Variants in DUT observed in about 807,000 individuals in gnomAD.
DUT encodes deoxyuridine triphosphatase.
DUT carries 21 observed loss-of-function variants against 28.8 expected under a neutral mutation model. That is an observed-to-expected ratio of 0.73 (90% confidence interval 0.52 to 1.05). The LOEUF (loss-of-function observed/expected upper bound fraction) is 1.05, where lower values mean the gene tolerates loss of function less well. Ranked by LOEUF, DUT falls within the 50% of genes least tolerant of loss-of-function variation. The probability of loss-of-function intolerance (pLI) is 0.00; values close to 1 mark genes in which losing one functional copy is unlikely to be tolerated. For missense variants in DUT, 344 were observed against 351.8 expected (o/e 0.98, Z 0.18); for synonymous variants, 147 against 143.7 (o/e 1.02, Z -0.17).
At chr15:48,339,875 C>T (rs192431195) in intron 4 of DUT, among the ~76,000 whole-genome samples, 4 of 152,228 alleles carry the variant, frequency 2.6e-5, no homozygotes, top group Admixed American at 6.5e-5. Context: ...TGTTGTAATC[C>T]ATTCGGAAAA....
chr15:48,333,604 C>T (rs900962531), intron 2 of DUT, among the ~76,000 whole-genome samples: 6 of 152,172 alleles, frequency 3.9e-5, no homozygotes, highest in Admixed American at 6.5e-5. Context: ...AGTAAACTTC[C>T]GGTTCTGCTC....
upstream of DUT, chr15:48,331,210 A>C: frequency 6.6e-7 from 1 of 1,515,706 alleles, no homozygotes; most frequent in South Asian, 1.2e-5. Flanking sequence ...GTCCAGGAGC[A>C]GGGCCCGGGC....
chr15:48,336,725 C>T (rs2042480129), intron 4 of DUT, among the ~76,000 whole-genome samples: 1 of 152,148 alleles, frequency 6.6e-6, no homozygotes, highest in Non-Finnish European at 1.5e-5. Flanking sequence ...ACATACTGAC[C>T]CTTTATCCCA....
chr15:48,332,986 C>T (rs1442954553), intron 2 of DUT, among the ~76,000 whole-genome samples: 1 of 152,042 alleles, frequency 6.6e-6, no homozygotes, highest in Non-Finnish European at 1.5e-5. Flanking sequence ...ATAAGTGTTA[C>T]TTTTTACACA....
chr15:48,331,360 C>T (rs1227686021), upstream of DUT: 1 of 1,463,170 alleles, frequency 6.8e-7, no homozygotes, highest in Non-Finnish European at 9.0e-7. Context: ...TGCGCCATCC[C>T]TGGGCTGCCG....
chr15:48,337,050 C>T (rs2042483766), intron 4 of DUT, among the ~76,000 whole-genome samples: 1 of 152,188 alleles, frequency 6.6e-6, no homozygotes, highest in Admixed American at 6.5e-5. Flanking sequence ...CTTAATGAAA[C>T]CTGGCTATCC....
chr15:48,342,178 A>G lies in DUT; in HGVS notation c.*100A>G, dbSNP rs2042544869. ...GTTTTGGTGTTTTGCACTTCTGTAA[A>G]CTTACTAGCTTTACCTTCTAAAAGT... On this transcript the variant is annotated 3_prime_UTR_variant, in exon 7 of 7. Transcript: ENST00000331200. 2.8e-6 allele frequency: 2 copies of G among 724,182 alleles called. No individual in the cohort carries two copies. Among genetic ancestry groups the G allele is most frequent in the Middle Eastern group, 4.5e-4 (1 of 2,244 alleles). 44.9% of individuals were successfully genotyped at this position (724,182 alleles called of 1,614,324 possible). A position where few individuals can be genotyped will look rare whatever the true frequency, so the allele number is the denominator to read the frequency against.
Position 48,331,479 on chromosome 15 carries a change from G to T in DUT, c.-37G>T. 6.2e-7 allele frequency: 1 copy of T among 1,608,626 alleles called. No homozygotes were observed. The highest frequency in any genetic ancestry group is 8.5e-7 in the Non-Finnish European group (1 of 1,178,130). On this transcript the variant is annotated 5_prime_UTR_variant, in exon 1 of 7. The change creates a new upstream start codon in the 5' untranslated region. Transcript: ENST00000331200. The stretch of plus-strand genomic sequence containing the variant: ...GGTGGAAGCCTGGCGCACGTCCGGA[G>T]GTGCCGAGGACCCAACCAGCCCAAA...
chr15:48,340,637 TAAAC>T (rs2042523112), intron 4 of DUT, among the ~76,000 whole-genome samples: 2 of 152,150 alleles, frequency 1.3e-5, no homozygotes, highest in African/African-American at 4.8e-5. Flanking sequence ...TTCATAATCT[TAAAC>T]AAGTATTAAT....
chr15:48,339,521 T>C (rs2042510090), intron 4 of DUT, among the ~76,000 whole-genome samples: 2 of 152,168 alleles, frequency 1.3e-5, no homozygotes, highest in African/African-American at 4.8e-5. Context: ...AAATCTAATT[T>C]AAATTGTCCC....
At chr15:48,331,999 CG>C in intron 1 of DUT, 1 of 914,356 alleles carries the variant, frequency 1.1e-6, no homozygotes, top group Non-Finnish European at 1.5e-6. Flanking sequence ...GTTGGCCCCA[CG>C]CGCTGAATGT....
chr15:48,342,394 T>TAA lies in DUT; in HGVS notation c.*325_*326dup. 2 of 161,388 alleles carry TAA rather than the reference T, an allele frequency of 1.2e-5. No homozygotes were observed. Among genetic ancestry groups the TAA allele is most frequent in the South Asian group, 2.1e-4 (1 of 4,812 alleles). The allele number at this position is 161,388 out of a possible 1,614,324, so 10.0% of individuals were successfully genotyped here. Reference sequence around the variant, plus strand: ...AATCAAATGTAAATCAATTACAGATTAAAAAAAAAAGCCTGTATTTAACTC... The same window carrying TAA: ...AATCAAATGTAAATCAATTACAGATTAAAAAAAAAAAAGCCTGTATTTAACTC... On this transcript the variant is annotated 3_prime_UTR_variant, in exon 7 of 7. Transcript: ENST00000331200.
intron 5 of DUT, 76 bp downstream of exon 5, chr15:48,341,439 T>C: frequency 6.5e-7 from 1 of 1,547,066 alleles, no homozygotes; most frequent in African/African-American, 1.4e-5. Flanking sequence ...TATTGACTCC[T>C]TTAATTCTCA....
At chr15:48,332,661 A>C in intron 2 of DUT, 1 of 658,986 alleles carries the variant, frequency 1.5e-6, no homozygotes, top group Non-Finnish European at 2.8e-6. Flanking sequence ...CCCTTCCTAA[A>C]TAGAAGATAG....
At chr15:48,333,433 A>G (rs1206536331) in intron 2 of DUT, among the ~76,000 whole-genome samples, 1 of 152,222 alleles carries the variant, frequency 6.6e-6, no homozygotes, top group Admixed American at 6.5e-5. Flanking sequence ...TTGATTTAAG[A>G]TACCTTAAGT....
At chr15:48,332,007 A>T in intron 1 of DUT, 1 of 933,384 alleles carries the variant, frequency 1.1e-6, no homozygotes, top group Non-Finnish European at 1.5e-6. Context: ...CACGCGCTGA[A>T]TGTGGAAAGT....
At chr15:48,334,565 T>C (rs1311440869) in intron 3 of DUT, 57 bp downstream of exon 3, 5 of 1,315,412 alleles carry the variant, frequency 3.8e-6, no homozygotes, top group Non-Finnish European at 5.5e-6. Context: ...TGATAGATTC[T>C]TCATGTTTCA....
Position 48,331,743 on chromosome 15 carries a change from T to A in DUT, c.228T>A (p.Ala76=), listed in dbSNP as rs987098429. ...GCRGASTVGA[A]GWKGELPKAG... ...GCGGAGCCAGTACAGTCGGGGCCGC[T>A]GGCTGGAAGGGCGAGCTTCCTAAGG... Residue 76 remains alanine, a synonymous_variant, in exon 1 of 7, where the codon GCT becomes GCA. Transcript: ENST00000331200. The A allele has an allele frequency of 2.0e-5, 29 of 1,431,244 alleles. No individual in the cohort carries two copies. The highest frequency in any genetic ancestry group is 2.4e-5 in the Non-Finnish European group (26 of 1,094,278). The allele number at this position is 1,431,244 out of a possible 1,614,324, so 88.7% of individuals were successfully genotyped here.
intron 1 of DUT, 21 bp from the exon 2 acceptor site, chr15:48,332,247 C>T (rs778979149): frequency 3.0e-5 from 48 of 1,582,578 alleles, no homozygotes; most frequent in Admixed American, 1.4e-4. Flanking sequence ...CCTTCTGGCT[C>T]TGCCATGCCC....
Sources: gnomAD v4.1 joint callset for allele counts (sites outside exome capture counted in the v4.1 genomes callset) on GRCh38, gnomAD v4.1.1 for gene constraint, MANE v1.5 for transcripts, NCBI Gene and HGNC (gene_info 2026-07-23, HGNC 2026-07-21) for gene names.